CSNK1G2: variants seen among roughly 807,000 people sequenced by gnomAD.
CSNK1G2 encodes casein kinase 1 gamma 2.
CSNK1G2 carries 11 observed loss-of-function variants against 48.0 expected under a neutral mutation model. The observed-to-expected ratio is 0.23, with a 90% confidence interval of 0.14 to 0.38. The LOEUF is 0.38. CSNK1G2 is among the 10% of genes least tolerant of loss of function. CSNK1G2 has a pLI of 1.00. For synonymous variants in CSNK1G2, 337 were observed against 254.1 expected, an observed-to-expected ratio of 1.33 and a Z score of -3.10; for missense variants, 446 against 595.5, an observed-to-expected ratio of 0.75 and a Z score of 2.61.
At chr19:1,977,237 C>T (rs1383212585) in intron 2 of CSNK1G2, among the ~76,000 whole-genome samples, 1 of 152,210 alleles carries the variant, frequency 6.6e-6, no homozygotes, top group Non-Finnish European at 1.5e-5. Flanking sequence ...GGGTGCCAGA[C>T]ACGTTCATGC....
intron 1 of CSNK1G2, chr19:1,953,831 T>C (rs371763191): frequency 1.3e-5 from 7 of 529,134 alleles, no homozygotes; most frequent in African/African-American, 3.9e-5. Context: ...GTGGCCCTCC[T>C]GTGTTCTTTA....
At chr19:1,956,769 C>CA (rs1343091920) in intron 1 of CSNK1G2, among the ~76,000 whole-genome samples, 5 of 152,322 alleles carry the variant, frequency 3.3e-5, no homozygotes, top group African/African-American at 9.6e-5. Flanking sequence ...GTCATACCCA[C>CA]ATCCGTGGGG....
At chr19:1,942,701 C>T in intron 1 of CSNK1G2, 1 of 152,246 alleles carries the variant, frequency 6.6e-6, no homozygotes, top group Non-Finnish European at 1.5e-5. Context: ...CGGGGGTTGG[C>T]AGCTGGGGAT....
At chr19:1,965,053 C>T (rs1440627243) in intron 1 of CSNK1G2, among the ~76,000 whole-genome samples, 1 of 150,282 alleles carries the variant, frequency 6.7e-6, no homozygotes, top group Non-Finnish European at 1.5e-5. Context: ...AATATGACTG[C>T]TCACTGACAA....
chr19:1,941,451 G>A (rs8102398), intron 1 of CSNK1G2, 33 bp downstream of exon 1: 101,203 of 130,970 alleles, frequency 0.77, 39,262 homozygotes, highest in Middle Eastern at 0.81. Flanking sequence ...CGGCCCCTTC[G>A]CCCCCTGCAC....
chr19:1,979,634 G>T lies in CSNK1G2; in HGVS notation c.993G>T (p.Gly331=). The T allele has an allele frequency of 6.2e-7, 1 of 1,603,778 alleles. No individual in the cohort carries two copies. The change falls in exon 9 of 12, where the codon GGG becomes GGT. Residue 331 remains glycine (G), a synonymous_variant. Coordinates refer to ENST00000255641, the MANE Select transcript of CSNK1G2 (RefSeq NM_001319.7). The stretch of plus-strand genomic sequence containing the variant: ...TCGACTATGAGTACGACTGGGCCGG[G>T]AAGCCCCTGGTAGGTGGGGGGGTGC... The part of the protein sequence containing the change: ...FVFDYEYDWA[G]KPLPTPIGTV...
chr19:1,948,185 A>T (rs2145500316), intron 1 of CSNK1G2, among the ~76,000 whole-genome samples: 1 of 152,288 alleles, frequency 6.6e-6, no homozygotes, highest in East Asian at 1.9e-4. Flanking sequence ...TCCCCCTCTC[A>T]TCCCCAGGGT....
chr19:1,973,932 G>C (rs575789672), intron 2 of CSNK1G2, among the ~76,000 whole-genome samples: 10 of 151,980 alleles, frequency 6.6e-5, no homozygotes, highest in Non-Finnish European at 1.3e-4. Context: ...CTGTTGCCCA[G>C]GCTGGAGTGC....
At position 1,960,787 on chromosome 19, in the gene CSNK1G2, GC is replaced by G. The variant is rs573667597; in HGVS notation, c.-265-8719del. 2.8e-3 allele frequency among the ~76,000 whole-genome samples: 434 copies of G among 152,334 alleles called. 4 individuals are homozygous for G. The highest frequency in any genetic ancestry group is 4.4e-3 in the Non-Finnish European group (297 of 68,034). ...GCCTCTAATCACAGCTACCTGGGAGGCCGAGGTAGGACAATCACTTGAACCC... is the reference window on the plus strand; with the variant it reads ...GCCTCTAATCACAGCTACCTGGGAGGCGAGGTAGGACAATCACTTGAACCC... On this transcript the variant is annotated intron_variant, in intron 1 of 11. Transcript: ENST00000255641.
At chr19:1,956,023 C>T (rs1471866715) in intron 1 of CSNK1G2, among the ~76,000 whole-genome samples, 2 of 152,224 alleles carry the variant, frequency 1.3e-5, no homozygotes, top group Non-Finnish European at 1.5e-5. Context: ...GGCTGGCCTT[C>T]ACCCCAGCTC....
intron 1 of CSNK1G2, among the ~76,000 whole-genome samples, chr19:1,966,431 C>T (rs12972577): frequency 0.14 from 21,469 of 152,048 alleles, 2,161 homozygotes; most frequent in African/African-American, 0.28. Context: ...CGCTGTCTCG[C>T]GAGAAAACTT....
In CSNK1G2 at chr19:1,980,032, C is replaced by T. The variant is rs371373465; in HGVS notation, c.1193+15C>T. On this transcript the variant is annotated intron_variant, in intron 11 of 11. Transcript: ENST00000255641. ...GATGAAACCAAGTAAGGCTCTGGGGCGGTGCCTTCGGGGAGGTGGGGGTGC... is the reference window on the plus strand; with the variant it reads ...GATGAAACCAAGTAAGGCTCTGGGGTGGTGCCTTCGGGGAGGTGGGGGTGC... 3.9e-4 allele frequency: 612 copies of T among 1,579,118 alleles called. 1 individual carries two copies. The highest frequency in any genetic ancestry group is 1.2e-3 in the South Asian group (103 of 86,050).
In CSNK1G2 at chr19:1,978,282, G is replaced by A. The variant is rs1049019943; in HGVS notation, c.188-23G>A. Reference sequence around the variant, plus strand: ...GCTAGGTGGGCCCTGCGCTGGCGGTGCTGATGGTCTCTGTCCCCGCAGGAA... The same window carrying A: ...GCTAGGTGGGCCCTGCGCTGGCGGTACTGATGGTCTCTGTCCCCGCAGGAA... On this transcript the variant is annotated intron_variant, in intron 2 of 11. Coordinates refer to ENST00000255641, the MANE Select transcript of CSNK1G2 (RefSeq NM_001319.7). This position sits in a 1 kb window ranked among gnomAD's most constrained non-coding sequence, Gnocchi z 7.3. The A allele has an allele frequency of 1.2e-6, 2 of 1,613,066 alleles. No individual in the cohort carries two copies. The highest frequency in any genetic ancestry group is 1.3e-5 in the African/African-American group (1 of 74,878).
In CSNK1G2 at chr19:1,978,810, C is replaced by G; in HGVS notation, c.448-49C>G. 1 of 1,582,150 alleles carries G rather than the reference C, an allele frequency of 6.3e-7. No homozygotes were observed. The highest frequency in any genetic ancestry group is 2.3e-5 in the East Asian group (1 of 43,846). ...GGAAGAGGGTGGCCCTGGAGGGGAG[C>G]GCGTGGGACGGGGAGGGGCCCGGCC... is the stretch of plus-strand genomic sequence containing the variant. On this transcript the variant is annotated intron_variant, in intron 5 of 11. Coordinates refer to ENST00000255641, the MANE Select transcript of CSNK1G2 (RefSeq NM_001319.7). The surrounding 1 kb of genome is among the most constrained non-coding windows in gnomAD (Gnocchi z 7.3).
chr19:1,966,447 C>T (rs998165104), intron 1 of CSNK1G2, among the ~76,000 whole-genome samples: 1 of 152,288 alleles, frequency 6.6e-6, no homozygotes, highest in Middle Eastern at 3.4e-3. Context: ...AACTTTAACA[C>T]GTGAGGAGTT....
Position 1,941,381 on chromosome 19 carries a change from C to G in CSNK1G2, c.-303C>G, listed in dbSNP as rs1171521736. 1 of 148,276 alleles carries G rather than the reference C, an allele frequency of 6.7e-6. No individual in the cohort carries two copies. Among genetic ancestry groups the G allele is most frequent in the Non-Finnish European group, 1.5e-5 (1 of 66,476 alleles). 9.2% of individuals were successfully genotyped at this position (148,276 alleles called of 1,614,324 possible). A position where few individuals can be genotyped will look rare whatever the true frequency, so the allele number is the denominator to read the frequency against. On this transcript the variant is annotated 5_prime_UTR_variant, in exon 1 of 12. Transcript: ENST00000255641. Reference sequence around the variant, plus strand: ...CGCTGCTGAGGCCGGGCCGGCCGCCCAGACGCTGCCCGCGGGCCCGGCCAC... The same window carrying G: ...CGCTGCTGAGGCCGGGCCGGCCGCCGAGACGCTGCCCGCGGGCCCGGCCAC...
In CSNK1G2 at chr19:1,978,005, G is replaced by T. The variant is rs547357079; in HGVS notation, c.188-300G>T. 1.3e-5 allele frequency among the ~76,000 whole-genome samples: 2 copies of T among 151,422 alleles called. No individual in the cohort carries two copies. Among genetic ancestry groups the T allele is most frequent in the East Asian group, 3.9e-4 (2 of 5,122 alleles). Reference sequence around the variant, plus strand: ...GAGCCCTTGGGGCTGCCTGCAGGCCGTGAGAGACCTCCCCAGTGCCGCTTC... The same window carrying T: ...GAGCCCTTGGGGCTGCCTGCAGGCCTTGAGAGACCTCCCCAGTGCCGCTTC... On this transcript the variant is annotated intron_variant, in intron 2 of 11. Coordinates refer to ENST00000255641, the MANE Select transcript of CSNK1G2 (RefSeq NM_001319.7). This position sits in a 1 kb window ranked among gnomAD's most constrained non-coding sequence, Gnocchi z 7.3.
intron 1 of CSNK1G2, among the ~76,000 whole-genome samples, chr19:1,953,209 C>T (rs1413611065): frequency 6.6e-6 from 1 of 152,148 alleles, no homozygotes; most frequent in East Asian, 1.9e-4. Flanking sequence ...TCTGCCTGCA[C>T]GTTCCCCCCG....
At chr19:1,977,514 A>T (rs2015800060) in intron 2 of CSNK1G2, among the ~76,000 whole-genome samples, 1 of 152,168 alleles carries the variant, frequency 6.6e-6, no homozygotes, top group South Asian at 2.1e-4. Flanking sequence ...GCCCTGTGGG[A>T]GGCTGAGGCA....
Sources: gnomAD v4.1 joint callset for allele counts (sites outside exome capture counted in the v4.1 genomes callset) on GRCh38, gnomAD v4.1.1 for gene constraint, Gnocchi (gnomAD v3.1) non-coding constraint, MANE v1.5 for transcripts, NCBI Gene and HGNC (gene_info 2026-07-23, HGNC 2026-07-21) for gene names.